The following CPQ variants were observed in gnomAD, a reference collection of about 807,000 sequenced individuals.
The protein encoded by CPQ is carboxypeptidase Q, also known as Ser-Met dipeptidase.
Under a neutral mutation model 45.7 loss-of-function variants are expected in CPQ, and 37 were observed. The observed-to-expected ratio is 0.81, with a 90% CI of 0.62 to 1.07. The LOEUF is 1.07. Ranked by LOEUF, CPQ falls within the 50% of genes least tolerant of loss-of-function variation. The pLI, the probability that CPQ is intolerant of heterozygous loss-of-function variation, is 0.00. For missense variants in CPQ, 537 were observed against 572.9 expected, an observed-to-expected ratio of 0.94 and a Z score of 0.64; for synonymous variants, 186 against 205.8, an observed-to-expected ratio of 0.90 and a Z score of 0.82.
At chr8:96,790,650 T>A (rs1810834513) in intron 2 of CPQ, among the ~76,000 whole-genome samples, 1 of 152,040 alleles carries the variant, frequency 6.6e-6, no homozygotes. Flanking sequence ...ATACGGTACC[T>A]GTAGTAGAGT....
At chr8:96,816,589 T>G (rs1480803733) in intron 2 of CPQ, among the ~76,000 whole-genome samples, 1 of 152,164 alleles carries the variant, frequency 6.6e-6, no homozygotes, top group Non-Finnish European at 1.5e-5. Context: ...TTTACTTTGC[T>G]TAGATACATC....
At chr8:96,880,067 G>A in intron 4 of CPQ, 62 bp downstream of exon 4, 2 of 1,446,664 alleles carry the variant, frequency 1.4e-6, no homozygotes, top group Non-Finnish European at 1.9e-6. Flanking sequence ...AGTTATTAGA[G>A]ATAGTTTGGG....
chr8:96,937,843 A>G (rs1353253957), intron 4 of CPQ, among the ~76,000 whole-genome samples: 1 of 152,188 alleles, frequency 6.6e-6, no homozygotes, highest in Non-Finnish European at 1.5e-5. Flanking sequence ...ACAGGATTAC[A>G]GTGTCTGCAT....
At chr8:97,038,146 A>C (rs1485446606) in intron 6 of CPQ, among the ~76,000 whole-genome samples, 1 of 152,230 alleles carries the variant, frequency 6.6e-6, no homozygotes, top group Non-Finnish European at 1.5e-5. Context: ...CAGTACCTTT[A>C]AAGAAAAGAG....
chr8:97,004,404 C>T (rs938833271), intron 5 of CPQ, among the ~76,000 whole-genome samples: 4 of 150,708 alleles, frequency 2.7e-5, no homozygotes, highest in African/African-American at 4.9e-5. Context: ...AACAAAAAAA[C>T]AGAATATTGG....
chr8:96,856,519 A>G (rs1328568167), intron 3 of CPQ, among the ~76,000 whole-genome samples: 1 of 152,214 alleles, frequency 6.6e-6, no homozygotes, highest in Non-Finnish European at 1.5e-5. Flanking sequence ...GGCTGTAGGT[A>G]CAGTGAGAGA....
chr8:96,757,334 G>C (rs1448167642), intron 1 of CPQ, among the ~76,000 whole-genome samples: 1 of 148,266 alleles, frequency 6.7e-6, no homozygotes, highest in Non-Finnish European at 1.5e-5. Flanking sequence ...ATGGGCAACA[G>C]AGCAAGACTC....
At chr8:97,135,670 A>G (rs1263742748) in intron 7 of CPQ, among the ~76,000 whole-genome samples, 2 of 152,166 alleles carry the variant, frequency 1.3e-5, no homozygotes, top group African/African-American at 4.8e-5. Flanking sequence ...TGATCAGGGA[A>G]TATCTATAAT....
chr8:96,761,972 C>T (rs1170476061), intron 1 of CPQ, among the ~76,000 whole-genome samples: 1 of 152,184 alleles, frequency 6.6e-6, no homozygotes, highest in Non-Finnish European at 1.5e-5. Flanking sequence ...CCACAGATCT[C>T]TGTGAGCCAC....
At chr8:97,018,734 T>C (rs1809624176) in intron 5 of CPQ, among the ~76,000 whole-genome samples, 1 of 152,158 alleles carries the variant, frequency 6.6e-6, no homozygotes, top group African/African-American at 2.4e-5. Flanking sequence ...TCTGGGATTA[T>C]GTTAAACTAC....
chr8:96,946,892 G>T (rs1024557631), intron 4 of CPQ, among the ~76,000 whole-genome samples: 1 of 151,998 alleles, frequency 6.6e-6, no homozygotes, highest in African/African-American at 2.4e-5. Flanking sequence ...CCGTTTTCTG[G>T]CCGCTGAGGT....
chr8:96,718,317 G>A (rs900835468), intron 1 of CPQ, among the ~76,000 whole-genome samples: 24 of 152,186 alleles, frequency 1.6e-4, no homozygotes, highest in African/African-American at 5.8e-4. Context: ...AGCTCTTAAG[G>A]TGGTGTGTCT....
intron 1 of CPQ, among the ~76,000 whole-genome samples, chr8:96,652,715 C>T (rs148548969): frequency 0.017 from 2,541 of 152,320 alleles, 22 homozygotes; most frequent in Non-Finnish European, 0.023. Flanking sequence ...TCACTGCAAG[C>T]TCCGCCTCCC....
At chr8:96,952,187 C>T (rs1205607846) in intron 4 of CPQ, among the ~76,000 whole-genome samples, 1 of 152,002 alleles carries the variant, frequency 6.6e-6, no homozygotes, top group East Asian at 1.9e-4. Context: ...AGAAAAAAAG[C>T]AGTCAAAAGT....
At chr8:96,724,525 A>ACC (rs1554559867) in intron 1 of CPQ, among the ~76,000 whole-genome samples, 3 of 142,798 alleles carry the variant, frequency 2.1e-5, no homozygotes, top group African/African-American at 5.2e-5. Context: ...ACACACACAC[A>ACC]CCCCTAGGAA....
At chr8:96,742,700 G>C (rs1470171717) in intron 1 of CPQ, among the ~76,000 whole-genome samples, 1 of 152,038 alleles carries the variant, frequency 6.6e-6, no homozygotes, top group Non-Finnish European at 1.5e-5. Flanking sequence ...GCATTTGCTT[G>C]TCTGTAAAGT....
At chr8:97,139,057 G>A (rs1475390768) in intron 7 of CPQ, among the ~76,000 whole-genome samples, 3 of 152,086 alleles carry the variant, frequency 2.0e-5, no homozygotes, top group African/African-American at 7.2e-5. Context: ...GATAGAGAAA[G>A]GCTGCCAGTA....
chr8:96,677,390 CATTG>C (rs1029041374), intron 1 of CPQ, among the ~76,000 whole-genome samples: 1 of 152,102 alleles, frequency 6.6e-6, no homozygotes, highest in Non-Finnish European at 1.5e-5. Flanking sequence ...GGTGGTATCT[CATTG>C]TGGTTTTGAT....
intron 5 of CPQ, among the ~76,000 whole-genome samples, chr8:96,996,314 A>G (rs1053265074): frequency 2.6e-5 from 4 of 152,004 alleles, no homozygotes; most frequent in South Asian, 2.1e-4. Flanking sequence ...GAAAGGGTCA[A>G]CTGGTGGCTA....
Sources: gnomAD v4.1 joint callset for allele counts (sites outside exome capture counted in the v4.1 genomes callset) on GRCh38, gnomAD v4.1.1 for gene constraint, MANE v1.5 for transcripts, NCBI Gene and HGNC (gene_info 2026-07-23, HGNC 2026-07-21) for gene names.